KIF13B: variants seen among roughly 807,000 people sequenced by gnomAD.
KIF13B encodes kinesin family member 13B.
KIF13B carries 127 observed loss-of-function variants against 222.0 expected under a neutral mutation model. That is an observed-to-expected ratio of 0.57 (90% CI 0.50 to 0.66). The LOEUF (loss-of-function observed/expected upper bound fraction) is 0.66, where lower values mean the gene tolerates loss of function less well. KIF13B is among the 30% of genes least tolerant of loss of function. KIF13B has a pLI of 0.00. For missense variants in KIF13B, 2,173 were observed against 2,379.0 expected (o/e 0.91, Z 1.80); for synonymous variants, 976 against 919.0 (o/e 1.06, Z -1.12).
At chr8:29,241,460 A>G (rs1329851809) in intron 2 of KIF13B, among the ~76,000 whole-genome samples, 1 of 152,254 alleles carries the variant, frequency 6.6e-6, no homozygotes, top group Non-Finnish European at 1.5e-5. Flanking sequence ...AAGCTTATAA[A>G]CTGGATTAAA....
rs564490752 is a variant in KIF13B at position 29,085,958 on chromosome 8, C to T, written c.4458+6787G>A. On this transcript the variant is annotated intron_variant, in intron 37 of 39. Coordinates refer to ENST00000524189, the MANE Select transcript of KIF13B (RefSeq NM_015254.4). ...ATTTCATTTCTATGGCCCTAGGACCCTCCACTGCTTTAGCAAAACCATCCC... is the reference window on the plus strand; with the variant it reads ...ATTTCATTTCTATGGCCCTAGGACCTTCCACTGCTTTAGCAAAACCATCCC... Among the ~76,000 whole-genome samples, 32 of 152,124 alleles carry T rather than the reference C, an allele frequency of 2.1e-4. No individual in the cohort carries two copies. The South Asian group carries it at 6.6e-3, about 32-fold the overall frequency.
chr8:29,203,716 C>T (rs944195994), intron 2 of KIF13B, among the ~76,000 whole-genome samples: 45 of 151,824 alleles, frequency 3.0e-4, no homozygotes, highest in Non-Finnish European at 4.4e-5. Context: ...TATGGTGAAA[C>T]CCTGTCTCTA....
intron 2 of KIF13B, among the ~76,000 whole-genome samples, chr8:29,242,229 G>A (rs1815814273): frequency 6.6e-6 from 1 of 152,060 alleles, no homozygotes; most frequent in African/African-American, 2.4e-5. Flanking sequence ...CTGGGCAACA[G>A]AGGGAGACCC....
At chr8:29,215,115 C>T (rs1647812374) in intron 2 of KIF13B, among the ~76,000 whole-genome samples, 1 of 152,090 alleles carries the variant, frequency 6.6e-6, no homozygotes, top group South Asian at 2.1e-4. Context: ...GTTTGTTTCC[C>T]TGCTCTTTCC....
intron 13 of KIF13B, among the ~76,000 whole-genome samples, chr8:29,159,662 G>T (rs753936341): frequency 1.6e-4 from 24 of 152,124 alleles, no homozygotes; most frequent in Non-Finnish European, 8.8e-5. Flanking sequence ...GGGGCAAAGG[G>T]CTTGGCCGTA....
At chr8:29,223,694 A>C (rs1318006758) in intron 2 of KIF13B, among the ~76,000 whole-genome samples, 1 of 152,320 alleles carries the variant, frequency 6.6e-6, no homozygotes, top group African/African-American at 2.4e-5. Flanking sequence ...TTTTGAAAAT[A>C]AATAAGAATG....
rs1230906498 is a variant in KIF13B, at chr8:29,071,713, C to A, written c.5125G>T (p.Val1709Leu). ...ACCACGCCCGTTTTGTGGGCGCCCA[C>A]GGTGACGAACTCGCCCTCTCGGAGC... Reference protein sequence around the residue: ...EWLREGEFVTVGAHKTGVVRY... With the variant: ...EWLREGEFVTLGAHKTGVVRY... The change falls in exon 39 of 40, where the codon GTG (valine) becomes TTG (leucine). Residue 1709 changes from valine to leucine, a missense_variant. This residue lies in a region of KIF13B where 693 missense variants were observed against 656.2 expected (regional missense o/e 1.06). Coordinates refer to ENST00000524189, the MANE Select transcript of KIF13B (RefSeq NM_015254.4). This position sits in a 1 kb window ranked among gnomAD's most constrained non-coding sequence, Gnocchi z 4.9. The A allele has an allele frequency of 3.2e-6, 5 of 1,550,498 alleles. No homozygotes were observed. The highest frequency in any genetic ancestry group is 1.7e-4 in the Middle Eastern group (1 of 5,992).
At chr8:29,169,921 G>A (rs556152578) in intron 10 of KIF13B, among the ~76,000 whole-genome samples, 105 of 152,328 alleles carry the variant, frequency 6.9e-4, no homozygotes, top group African/African-American at 2.5e-3. Context: ...GCTGAAAGGG[G>A]ATTTGTAACG....
rs1811172540 is a variant in KIF13B at position 29,148,715 on chromosome 8, C to A, written c.1675G>T (p.Asp559Tyr). 3.1e-6 allele frequency: 5 copies of A among 1,609,790 alleles called. No homozygotes were observed. The highest frequency in any genetic ancestry group is 3.4e-6 in the Non-Finnish European group (4 of 1,178,112). The stretch of plus-strand genomic sequence containing the variant: ...CTATTCTCGTTCTTCATGGAGGGAT[C>A]CTGGTCCTCATCCTCTCGTTCTGCT... ...KKAEREDEDQDPSMKNENSSE... is the reference protein window; with the variant it reads ...KKAEREDEDQYPSMKNENSSE... Residue 559 changes from aspartate to tyrosine, a missense_variant, in exon 16 of 40, where the codon GAT becomes TAT. By Grantham distance (160) the Asp-to-Tyr change is radical. Transcript: ENST00000524189.
At chr8:29,174,179 T>A (rs2130228436) in intron 10 of KIF13B, among the ~76,000 whole-genome samples, 1 of 152,268 alleles carries the variant, frequency 6.6e-6, no homozygotes, top group East Asian at 1.9e-4. Flanking sequence ...TTAACTATAG[T>A]CCTTAGACTG....
chr8:29,240,955 A>G (rs1454874221), intron 2 of KIF13B, among the ~76,000 whole-genome samples: 1 of 152,194 alleles, frequency 6.6e-6, no homozygotes, highest in Non-Finnish European at 1.5e-5. Flanking sequence ...GCGTTCCATA[A>G]CTAGAAATGA....
intron 37 of KIF13B, among the ~76,000 whole-genome samples, chr8:29,081,219 C>G (rs137918043): frequency 6.6e-6 from 1 of 152,156 alleles, no homozygotes; most frequent in African/African-American, 2.4e-5. Flanking sequence ...GCTTTCTCAA[C>G]GGAAAGCTCA....
At chr8:29,080,612 G>C (rs1807765916) in intron 37 of KIF13B, among the ~76,000 whole-genome samples, 1 of 152,198 alleles carries the variant, frequency 6.6e-6, no homozygotes, top group South Asian at 2.1e-4. Context: ...CAGCACTTTT[G>C]TCCATCTGGC....
chr8:29,183,127 T>C (rs1812780420), intron 6 of KIF13B, among the ~76,000 whole-genome samples: 1 of 151,960 alleles, frequency 6.6e-6, no homozygotes, highest in Non-Finnish European at 1.5e-5. Context: ...CTACACAAAA[T>C]CTTTTTTAAA....
At chr8:29,093,639 C>T (rs376964910) in intron 36 of KIF13B, among the ~76,000 whole-genome samples, 6 of 152,178 alleles carry the variant, frequency 3.9e-5, no homozygotes, top group African/African-American at 1.4e-4. Context: ...GATCTCTTCT[C>T]CACACTAACC....
At chr8:29,170,612 G>A (rs977497535) in intron 10 of KIF13B, among the ~76,000 whole-genome samples, 4 of 152,188 alleles carry the variant, frequency 2.6e-5, no homozygotes, top group African/African-American at 9.7e-5. Flanking sequence ...AGAGACTGAA[G>A]AGATGGGAGG....
chr8:29,146,724 G>A (rs1197253553), intron 17 of KIF13B, among the ~76,000 whole-genome samples, 184 bp from the exon 18 acceptor site: 1 of 152,128 alleles, frequency 6.6e-6, no homozygotes, highest in Non-Finnish European at 1.5e-5. Flanking sequence ...TCAACTACAC[G>A]ATAAGCACTG....
At chr8:29,241,430 G>T (rs1340083534) in intron 2 of KIF13B, among the ~76,000 whole-genome samples, 1 of 152,170 alleles carries the variant, frequency 6.6e-6, no homozygotes. Context: ...ATAAACCAGG[G>T]ACATCTATTT....
intron 12 of KIF13B, among the ~76,000 whole-genome samples, chr8:29,163,160 A>G (rs1206296917): frequency 1.3e-5 from 2 of 152,234 alleles, no homozygotes; most frequent in Non-Finnish European, 2.9e-5. Context: ...GAATTAGAAA[A>G]TACTCATCTT....
Sources: gnomAD v4.1 joint callset for allele counts (sites outside exome capture counted in the v4.1 genomes callset) on GRCh38, gnomAD v4.1.1 for gene constraint, gnomAD v4.1.1 regional missense constraint, Gnocchi (gnomAD v3.1) non-coding constraint, MANE v1.5 for transcripts, NCBI Gene and HGNC (gene_info 2026-07-23, HGNC 2026-07-21) for gene names.